The following ITGAM variants were observed in gnomAD, a reference collection of about 807,000 sequenced individuals.
ITGAM encodes integrin alpha-M.
In ITGAM, 79 loss-of-function variants were observed where a neutral mutation model predicts 137.5. That is an observed-to-expected ratio of 0.57 (90% CI 0.48 to 0.69). ITGAM has a LOEUF of 0.69. Among genes scored for constraint, ITGAM ranks in the 30% least tolerant of loss-of-function variants. The probability of loss-of-function intolerance (pLI) is 0.00; values close to 1 mark genes in which losing one functional copy is unlikely to be tolerated. For missense variants in ITGAM, 1,343 were observed against 1,483.5 expected, an observed-to-expected ratio of 0.91 and a Z score of 1.56; for synonymous variants, 583 against 592.3, an observed-to-expected ratio of 0.98 and a Z score of 0.23.
At chr16:31,296,106 C>CTTTTTTTT (rs768920728) in intron 12 of ITGAM, among the ~76,000 whole-genome samples, 6 of 131,018 alleles carry the variant, frequency 4.6e-5, no homozygotes, top group Admixed American at 7.7e-5. Context: ...ATCTTTTTAT[C>CTTTTTTTT]TTTTTTTTTT....
At chr16:31,331,495 C>G (rs1201082020) in intron 29 of ITGAM, 141 bp from the exon 30 acceptor site, 5 of 683,516 alleles carry the variant, frequency 7.3e-6, no homozygotes, top group East Asian at 2.7e-5. Flanking sequence ...CTCCAGGCCC[C>G]GACGCGGATG....
chr16:31,324,330 G>T lies in ITGAM; in HGVS notation c.2003-69G>T, dbSNP rs1476927073. Reference sequence around the variant, plus strand: ...CACAGCTGAGAAGCAGAGGAGCTGGGCCTTGAACTCCCATCTGCCGGGTTC... The same window carrying T: ...CACAGCTGAGAAGCAGAGGAGCTGGTCCTTGAACTCCCATCTGCCGGGTTC... On this transcript the variant is annotated intron_variant, in intron 16 of 29. Coordinates refer to ENST00000544665, the MANE Select transcript of ITGAM (RefSeq NM_000632.4). The surrounding 1 kb of genome is among the most constrained non-coding windows in gnomAD (Gnocchi z 4.5). 4.4e-6 allele frequency: 6 copies of T among 1,356,354 alleles called. No homozygotes were observed. The highest frequency in any genetic ancestry group is 5.1e-6 in the Non-Finnish European group (5 of 974,100). 84.0% of individuals were successfully genotyped at this position (1,356,354 alleles called of 1,614,324 possible).
chr16:31,328,325 TGTGA>T (rs1005038367), intron 23 of ITGAM, 95 bp downstream of exon 23: 10 of 965,966 alleles, frequency 1.0e-5, no homozygotes, highest in Non-Finnish European at 1.5e-5. Flanking sequence ...TGTGTGTGTG[TGTGA>T]GAGTCTGAGG....
Position 31,331,145 on chromosome 16 carries a change from G to A in ITGAM, c.3277-20G>A, listed in dbSNP as rs758369665. The A allele has an allele frequency of 2.3e-5, 31 of 1,349,556 alleles. No individual in the cohort carries two copies. Among genetic ancestry groups the A allele is most frequent in the South Asian group, 1.2e-5 (1 of 84,204 alleles). The allele number at this position is 1,349,556 out of a possible 1,614,324, so 83.6% of individuals were successfully genotyped here. A position where few individuals can be genotyped will look rare whatever the true frequency, so the allele number is the denominator to read the frequency against. On this transcript the variant is annotated intron_variant, in intron 28 of 29. Coordinates refer to ENST00000544665, the MANE Select transcript of ITGAM (RefSeq NM_000632.4). ...GAAATCCAGAGTCGTCTCCCCTGAC[G>A]CCCCTCCTTCCTCCCCCAGACGGAG... is the stretch of plus-strand genomic sequence containing the variant.
Position 31,325,625 on chromosome 16 carries a change from C to G in ITGAM, c.2628+3C>G, listed in dbSNP as rs143731865. ...CCATCTTCCCGGAAAACTCAGAGGT[C>G]AGAACTCCTGGCTCCTCCCCTCCTT... On this transcript the variant is annotated splice_donor_region_variant and intron_variant, in intron 21 of 29. Coordinates refer to ENST00000544665, the MANE Select transcript of ITGAM (RefSeq NM_000632.4). 6.2e-7 allele frequency: 1 copy of G among 1,612,660 alleles called. No homozygotes were observed. The highest frequency in any genetic ancestry group is 2.2e-5 in the East Asian group (1 of 44,862).
chr16:31,273,320 G>T, intron 7 of ITGAM, 45 bp from the exon 8 acceptor site: 1 of 1,507,194 alleles, frequency 6.6e-7, no homozygotes. Flanking sequence ...AAACTAGTGT[G>T]TCATCTACTT....
chr16:31,328,204 A>G lies in ITGAM; in HGVS notation c.2766A>G (p.Lys922=), dbSNP rs1240510462. 1 of 1,613,938 alleles carries G rather than the reference A, an allele frequency of 6.2e-7. No individual in the cohort carries two copies. The highest frequency in any genetic ancestry group is 8.5e-7 in the Non-Finnish European group (1 of 1,179,874). Residue 922 remains lysine (K), a synonymous_variant, in exon 23 of 30, where the codon AAA becomes AAG. Transcript: ENST00000544665. ...AATTCCAACTGGAGCTGCCGGTGAA[A>G]TATGCTGTCTACATGGTGGTCACCA... ...KTEFQLELPV[K]YAVYMVVTSH...
chr16:31,274,533 AACAG>A (rs1467791789), intron 8 of ITGAM, among the ~76,000 whole-genome samples: 1 of 152,210 alleles, frequency 6.6e-6, no homozygotes, highest in East Asian at 1.9e-4. Flanking sequence ...GTCTGGTGAG[AACAG>A]ACAGAGAAGA....
chr16:31,315,088 C>T (rs2080376778), intron 14 of ITGAM, among the ~76,000 whole-genome samples: 1 of 152,124 alleles, frequency 6.6e-6, no homozygotes, highest in African/African-American at 2.4e-5. Context: ...GCTGGGATTA[C>T]AGGTGTGAGT....
At chr16:31,321,907 T>C (rs528764341) in intron 16 of ITGAM, among the ~76,000 whole-genome samples, 1 of 152,348 alleles carries the variant, frequency 6.6e-6, no homozygotes, top group East Asian at 1.9e-4. Context: ...TTTTGTTTTT[T>C]AATAAACGGA....
At position 31,321,261 on chromosome 16, in the gene ITGAM, C is replaced by T; in HGVS notation, c.1728C>T (p.Leu576=). 6.2e-7 allele frequency: 1 copy of T among 1,613,946 alleles called. No individual in the cohort carries two copies. Among genetic ancestry groups the T allele is most frequent in the Non-Finnish European group, 8.5e-7 (1 of 1,179,878 alleles). The part of the protein sequence containing the change: ...SHSQRIAGSK[L]SPRLQYFGQS... ...CTCAGCGGATAGCAGGCTCCAAGCTCTCTCCCAGGCTCCAGTATTTTGGTC... is the reference window on the plus strand; with the variant it reads ...CTCAGCGGATAGCAGGCTCCAAGCTTTCTCCCAGGCTCCAGTATTTTGGTC... Residue 576 remains leucine (L), a synonymous_variant, in exon 15 of 30, where the codon CTC becomes CTT. Transcript: ENST00000544665.
At chr16:31,325,753 T>C (rs1377327699) in intron 21 of ITGAM, 131 bp downstream of exon 21, 5 of 1,110,112 alleles carry the variant, frequency 4.5e-6, no homozygotes, top group Non-Finnish European at 6.3e-6. Flanking sequence ...TCATATACCA[T>C]CCAATTCACC....
chr16:31,296,623 C>T (rs2080137218), intron 12 of ITGAM, among the ~76,000 whole-genome samples: 1 of 152,052 alleles, frequency 6.6e-6, no homozygotes, highest in Non-Finnish European at 1.5e-5. Flanking sequence ...ATGATGTCCC[C>T]TGCACATTCC....
Position 31,321,477 on chromosome 16 carries a change from C to G in ITGAM, c.1852C>G (p.Leu618Val). 1 of 1,613,956 alleles carries G rather than the reference C, an allele frequency of 6.2e-7. No homozygotes were observed. The highest frequency in any genetic ancestry group is 8.5e-7 in the Non-Finnish European group (1 of 1,179,854). Residue 618 changes from leucine (L) to valine (V), a missense_variant, in exon 16 of 30, where the codon CTG becomes GTG. Coordinates refer to ENST00000544665, the MANE Select transcript of ITGAM (RefSeq NM_000632.4). ...HVLLLRSQPVLRVKAIMEFNP... is the reference protein window; with the variant it reads ...HVLLLRSQPVVRVKAIMEFNP... ...GTGTCCCTTTAGGTCCCAGCCAGTA[C>G]TGAGAGTCAAGGCAATCATGGAGTT... is the stretch of plus-strand genomic sequence containing the variant.
rs755138335 is a variant in ITGAM at position 31,275,652 on chromosome 16, T to C, written c.962T>C (p.Leu321Pro). Residue 321 changes from leucine (L) to proline (P), a missense_variant, in exon 9 of 30, where the codon CTG (leucine) becomes CCG (proline). By Grantham distance (98) the Leu-to-Pro change is moderately conservative (BLOSUM62 -3). Coordinates refer to ENST00000544665, the MANE Select transcript of ITGAM (RefSeq NM_000632.4). The part of the protein sequence containing the change: ...HVFQVNNFEA[L>P]KTIQNQLREK... ...TTCCAGGTGAATAACTTTGAGGCTC[T>C]GAAGACCATTCAGAACCAGCTTCGG... The C allele has an allele frequency of 1.2e-6, 2 of 1,613,970 alleles. No individual in the cohort carries two copies. Among genetic ancestry groups the C allele is most frequent in the Non-Finnish European group, 1.7e-6 (2 of 1,179,872 alleles).
intron 14 of ITGAM, among the ~76,000 whole-genome samples, chr16:31,302,458 C>CCTTTCTTTCTTTCTTTCTTTCTTTCTTT (rs143099983): frequency 6.3e-5 from 7 of 111,970 alleles, no homozygotes; most frequent in African/African-American, 3.3e-4. Flanking sequence ...TTTCTTCCTT[C>CCTTTCTTTCTTTCTTTCTTTCTTTCTTT]CTTTCTTTCT....
intron 25 of ITGAM, 60 bp downstream of exon 25, chr16:31,329,965 T>A (rs2080558449): frequency 6.5e-7 from 1 of 1,532,178 alleles, no homozygotes; most frequent in African/African-American, 1.4e-5. Flanking sequence ...CCTCTGTTAA[T>A]GCTATTGGGT....
chr16:31,273,399 A>G lies in ITGAM; in HGVS notation c.739A>G (p.Lys247Glu), dbSNP rs200610250. Residue 247 changes from lysine to glutamate, a missense_variant, in exon 8 of 30, where the codon AAG becomes GAG. By Grantham distance (56) the Lys-to-Glu change is moderately conservative (BLOSUM62 1). Transcript: ENST00000544665. The stretch of plus-strand genomic sequence containing the variant: ...GTTTAACATCACCAACGGAGCCCGA[A>G]AGAATGCCTTTAAGATCCTAGTTGT... ...ELFNITNGAR[K>E]NAFKILVVIT... The G allele has an allele frequency of 1.1e-4, 175 of 1,613,814 alleles. 1 individual carries two copies. The Middle Eastern group carries it at 1.5e-3, about 14-fold the overall frequency.
intron 2 of ITGAM, among the ~76,000 whole-genome samples, 155 bp from the exon 3 acceptor site, chr16:31,265,240 T>C (rs1384215250): frequency 6.7e-6 from 1 of 150,184 alleles, no homozygotes; most frequent in African/African-American, 2.5e-5. Context: ...CTTAACATTT[T>C]CCCATTTTTT....
Sources: allele counts gnomAD v4.1 joint callset (sites outside exome capture counted in the v4.1 genomes callset), GRCh38; gene constraint gnomAD v4.1.1; non-coding constraint Gnocchi (gnomAD v3.1); transcripts MANE v1.5; gene names NCBI Gene and HGNC (gene_info 2026-07-23, HGNC 2026-07-21).